THSD7B: variants seen among roughly 807,000 people sequenced by gnomAD.
THSD7B encodes thrombospondin type-1 domain-containing protein 7B.
Under a neutral mutation model 213.6 loss-of-function variants are expected in THSD7B, and 138 were observed. The ratio of observed to expected loss-of-function variants is 0.65; its 90% CI spans 0.56 to 0.74. THSD7B has a LOEUF of 0.74. Among genes scored for constraint, THSD7B ranks in the 30% least tolerant of loss-of-function variants. The pLI is 0.00. For missense variants in THSD7B, 1,931 were observed against 1,991.5 expected (o/e 0.97, Z 0.58); for synonymous variants, 742 against 687.0 (o/e 1.08, Z -1.25).
rs569694022 is a variant in THSD7B at position 137,034,397 on chromosome 2, C to A, written c.140-22023C>A. On this transcript the variant is annotated intron_variant, in intron 2 of 27. Transcript: ENST00000409968. ...GGGATTACAAGCGTGAGCCACCACA[C>A]CCAGCCAAATTTTCTTTTTATTTAT... Among the ~76,000 whole-genome samples the A allele has an allele frequency of 3.7e-4, 57 of 152,262 alleles. 1 individual carries two copies. Among genetic ancestry groups the A allele is most frequent in the African/African-American group, 1.3e-3 (56 of 41,568 alleles).
intron 12 of THSD7B, among the ~76,000 whole-genome samples, chr2:137,395,920 A>G (rs1395968559): frequency 2.0e-5 from 3 of 151,282 alleles, no homozygotes; most frequent in Non-Finnish European, 4.4e-5. Context: ...GAATTTATCC[A>G]TTTCTTCTAG....
At chr2:137,111,016 A>G (rs931240166) in intron 4 of THSD7B, among the ~76,000 whole-genome samples, 1 of 152,138 alleles carries the variant, frequency 6.6e-6, no homozygotes, top group Non-Finnish European at 1.5e-5. Flanking sequence ...AGTGCACTCT[A>G]TGATGTTTGC....
rs1047666205 is a variant in THSD7B at position 137,154,867 on chromosome 2, CT to C, written c.1370-5344del. Among the ~76,000 whole-genome samples, 98 of 151,916 alleles carry C rather than the reference CT, an allele frequency of 6.5e-4. 2 individuals carry two copies. The highest frequency in any genetic ancestry group is 1.8e-3 in the African/African-American group (75 of 41,472). ...CTAGAATTAAGAACAGTTTTTTTTC[CT>C]TAACATTAAACATATCCCCTACCCA... On this transcript the variant is annotated intron_variant, in intron 5 of 27. Transcript: ENST00000409968.
chr2:137,315,520 C>G (rs1684075219), intron 12 of THSD7B, among the ~76,000 whole-genome samples: 1 of 152,122 alleles, frequency 6.6e-6, no homozygotes, highest in Non-Finnish European at 1.5e-5. Context: ...ATTCAGCCAT[C>G]TTGGCTCCTC....
intron 7 of THSD7B, among the ~76,000 whole-genome samples, chr2:137,171,469 TA>T (rs992160436): frequency 1.3e-5 from 2 of 152,226 alleles, no homozygotes; most frequent in Non-Finnish European, 2.9e-5. Flanking sequence ...TGTCAAGATT[TA>T]CAAAACTATT....
At chr2:137,057,259 T>C in intron 3 of THSD7B, 29 bp downstream of exon 3, 1 of 1,534,926 alleles carries the variant, frequency 6.5e-7, no homozygotes, top group Non-Finnish European at 8.8e-7. Context: ...TTGAATTTGA[T>C]TCACCTAAAA....
chr2:137,152,154 C>T (rs1679831775), intron 5 of THSD7B, among the ~76,000 whole-genome samples: 1 of 151,916 alleles, frequency 6.6e-6, no homozygotes, highest in African/African-American at 2.4e-5. Context: ...CACATTTCAT[C>T]CCCTCTCTCA....
At chr2:136,791,006 A>C (rs1456137492) in intron 1 of THSD7B, among the ~76,000 whole-genome samples, 11 of 152,056 alleles carry the variant, frequency 7.2e-5, no homozygotes, top group Non-Finnish European at 4.4e-5. Flanking sequence ...GAAGGAAATA[A>C]CTGGGATGTT....
intron 5 of THSD7B, among the ~76,000 whole-genome samples, chr2:137,142,306 A>G (rs985671281): frequency 1.6e-4 from 25 of 151,948 alleles, no homozygotes; most frequent in African/African-American, 5.6e-4. Context: ...GGGCAAACCC[A>G]CTCCCTAGAT....
chr2:137,628,864 C>T (rs975460388), intron 20 of THSD7B, among the ~76,000 whole-genome samples: 16 of 152,176 alleles, frequency 1.1e-4, no homozygotes, highest in African/African-American at 3.9e-4. Context: ...TCAGTTCCAA[C>T]ATACTACATT....
chr2:136,848,568 T>C (rs375000367), intron 1 of THSD7B, among the ~76,000 whole-genome samples: 1 of 152,136 alleles, frequency 6.6e-6, no homozygotes, highest in East Asian at 1.9e-4. Flanking sequence ...AATTTGAAAA[T>C]CATAATTTTA....
intron 1 of THSD7B, among the ~76,000 whole-genome samples, chr2:136,812,187 G>T (rs527444057): frequency 2.0e-4 from 30 of 152,244 alleles, no homozygotes; most frequent in African/African-American, 6.7e-4. Flanking sequence ...AACTCATTCT[G>T]GTTGCTGGAT....
At chr2:137,179,688 T>G (rs146499530) in intron 7 of THSD7B, among the ~76,000 whole-genome samples, 6 of 152,302 alleles carry the variant, frequency 3.9e-5, no homozygotes, top group Non-Finnish European at 7.4e-5. Context: ...ATACATATAC[T>G]TTAACTGATT....
At chr2:136,955,660 C>T (rs375423524) in intron 2 of THSD7B, among the ~76,000 whole-genome samples, 6 of 152,186 alleles carry the variant, frequency 3.9e-5, no homozygotes, top group South Asian at 2.1e-4. Flanking sequence ...TTTCTTAGAA[C>T]GTTGCATCTG....
At chr2:137,512,780 A>T (rs1679993501) in intron 15 of THSD7B, among the ~76,000 whole-genome samples, 1 of 152,098 alleles carries the variant, frequency 6.6e-6, no homozygotes, top group Admixed American at 6.5e-5. Flanking sequence ...ACAATTATAA[A>T]TCCTTTACAT....
chr2:136,879,639 T>G (rs2104989122), intron 1 of THSD7B, among the ~76,000 whole-genome samples: 1 of 152,264 alleles, frequency 6.6e-6, no homozygotes, highest in Middle Eastern at 3.4e-3. Context: ...TCACATCCCT[T>G]GTAAGTTGGA....
At chr2:137,277,016 T>G (rs931703699) in intron 12 of THSD7B, among the ~76,000 whole-genome samples, 1 of 152,046 alleles carries the variant, frequency 6.6e-6, no homozygotes, top group Non-Finnish European at 1.5e-5. Flanking sequence ...ATCACTAAAT[T>G]ATTGTAATAA....
intron 14 of THSD7B, among the ~76,000 whole-genome samples, chr2:137,418,327 C>G (rs1686843471): frequency 6.6e-6 from 1 of 152,204 alleles, no homozygotes; most frequent in Non-Finnish European, 1.5e-5. Context: ...AAAGGCAAAT[C>G]TGATTATCAC....
At chr2:137,336,800 A>AT in intron 12 of THSD7B, among the ~76,000 whole-genome samples, 1 of 152,150 alleles carries the variant, frequency 6.6e-6, no homozygotes, top group East Asian at 1.9e-4. Flanking sequence ...AAAGCTTTCC[A>AT]TTATTTTTTA....
Sources: gnomAD v4.1 joint callset for allele counts (sites outside exome capture counted in the v4.1 genomes callset) on GRCh38, gnomAD v4.1.1 for gene constraint, MANE v1.5 for transcripts, NCBI Gene and HGNC (gene_info 2026-07-23, HGNC 2026-07-21) for gene names.